SPAG16: variants seen among roughly 807,000 people sequenced by gnomAD.
SPAG16 encodes sperm-associated antigen 16 protein.
SPAG16 carries 86 observed loss-of-function variants against 80.4 expected under a neutral mutation model. That is an observed-to-expected ratio of 1.07 (90% CI 0.90 to 1.28). SPAG16 has a LOEUF of 1.28. Ranked by LOEUF, SPAG16 falls within the 50% of genes most tolerant of loss-of-function variation. The pLI, the probability that SPAG16 is intolerant of heterozygous loss-of-function variation, is 0.00. For synonymous variants in SPAG16, 294 were observed against 265.9 expected, an observed-to-expected ratio of 1.11 and a Z score of -1.03; for missense variants, 870 against 765.3, an observed-to-expected ratio of 1.14 and a Z score of -1.61.
chr2:213,983,770 G>C (rs2045879524), intron 12 of SPAG16, among the ~76,000 whole-genome samples: 1 of 151,946 alleles, frequency 6.6e-6, no homozygotes, highest in Non-Finnish European at 1.5e-5. Context: ...TCACAATAGG[G>C]GGTGTTGAAG....
rs527771667 is a variant in SPAG16, at chr2:213,526,828, T to C, written c.1070+36738T>C. 2.6e-5 allele frequency among the ~76,000 whole-genome samples: 4 copies of C among 152,336 alleles called. No homozygotes were observed. In the South Asian group the frequency reaches 8.3e-4, roughly 32 times the overall value. The stretch of plus-strand genomic sequence containing the variant: ...TCAGAATGTTGAAGTATTGCTACAA[T>C]GTCCTAAACTTGAGAATGTGTGTGG... On this transcript the variant is annotated intron_variant, in intron 10 of 15. Transcript: ENST00000331683.
intron 15 of SPAG16, among the ~76,000 whole-genome samples, chr2:214,400,298 T>C (rs1293337706): frequency 6.6e-6 from 1 of 151,952 alleles, no homozygotes; most frequent in Non-Finnish European, 1.5e-5. Flanking sequence ...GGATTTCATG[T>C]TAAAGACAGA....
chr2:214,273,694 T>C (rs943049763), intron 15 of SPAG16, among the ~76,000 whole-genome samples: 3 of 152,112 alleles, frequency 2.0e-5, no homozygotes, highest in Admixed American at 1.3e-4. Context: ...TTTTGGTTAC[T>C]GTACCCTTGT....
At chr2:213,510,163 C>G (rs753685908) in intron 10 of SPAG16, among the ~76,000 whole-genome samples, 9 of 152,084 alleles carry the variant, frequency 5.9e-5, no homozygotes, top group Non-Finnish European at 7.4e-5. Context: ...TTTTTGAAAT[C>G]TGAAATCCTA....
chr2:214,336,631 A>C (rs911808252), intron 15 of SPAG16, among the ~76,000 whole-genome samples: 5 of 152,108 alleles, frequency 3.3e-5, no homozygotes, highest in Admixed American at 2.0e-4. Context: ...AGATGATATA[A>C]ATGTAGGAAA....
intron 11 of SPAG16, among the ~76,000 whole-genome samples, chr2:213,886,615 C>T (rs2076565067): frequency 6.6e-6 from 1 of 151,912 alleles, no homozygotes; most frequent in African/African-American, 2.4e-5. Context: ...TGGTGTAATG[C>T]TTAATGCCAA....
intron 10 of SPAG16, among the ~76,000 whole-genome samples, chr2:213,817,613 A>C (rs2072635635): frequency 1.3e-5 from 2 of 152,186 alleles, no homozygotes. Context: ...TTGAATAAAG[A>C]AAATATGGTA....
chr2:213,591,701 C>T (rs1314403608), intron 10 of SPAG16, among the ~76,000 whole-genome samples: 1 of 151,982 alleles, frequency 6.6e-6, no homozygotes, highest in East Asian at 1.9e-4. Context: ...AATTTATAGC[C>T]AAGGAACAGT....
rs2055855127 is a variant in SPAG16 at position 214,149,257 on chromosome 2, G to C, written c.1711G>C (p.Asp571His). The C allele has an allele frequency of 6.4e-7, 1 of 1,570,280 alleles. No homozygotes were observed. The highest frequency in any genetic ancestry group is 1.4e-5 in the African/African-American group (1 of 73,542). ...AAGTCCTGGCAATGAGGTGAATTTT[G>C]ATTCATCAGGTAGGATCATTTTTGT... The part of the protein sequence containing the change: ...GPSPGNEVNF[D>H]SSGRVLAQAS... Residue 571 changes from aspartate to histidine, a missense_variant, in exon 15 of 16, where the codon GAT becomes CAT. Physicochemically the swap from Asp to His is moderately conservative, Grantham distance 81. Coordinates refer to ENST00000331683, the MANE Select transcript of SPAG16 (RefSeq NM_024532.5).
intron 13 of SPAG16, among the ~76,000 whole-genome samples, chr2:214,054,198 C>T (rs979225902): frequency 3.3e-5 from 5 of 152,124 alleles, no homozygotes; most frequent in African/African-American, 7.2e-5. Flanking sequence ...TTAGTATAGA[C>T]GGGGTTTTGC....
At chr2:213,341,356 A>T (rs1376105891) in intron 6 of SPAG16, among the ~76,000 whole-genome samples, 1 of 152,126 alleles carries the variant, frequency 6.6e-6, no homozygotes, top group Admixed American at 6.6e-5. Context: ...TATAGGACAG[A>T]GTGTTTTGAT....
intron 15 of SPAG16, among the ~76,000 whole-genome samples, chr2:214,290,637 A>G (rs1693731365): frequency 1.3e-5 from 2 of 152,104 alleles, no homozygotes; most frequent in Non-Finnish European, 1.5e-5. Context: ...CATTGGCCCA[A>G]TGGTTGGTTA....
intron 12 of SPAG16, among the ~76,000 whole-genome samples, chr2:213,971,920 A>G (rs560970556): frequency 3.3e-4 from 50 of 150,352 alleles, no homozygotes; most frequent in Non-Finnish European, 5.0e-4. Context: ...GTGTCAAGTG[A>G]TATCTAATTG....
At chr2:213,804,678 G>A (rs989888676) in intron 10 of SPAG16, among the ~76,000 whole-genome samples, 4 of 144,982 alleles carry the variant, frequency 2.8e-5, no homozygotes, top group South Asian at 2.3e-4. Context: ...GCGAGACTCC[G>A]TCTCAACTAA....
intron 10 of SPAG16, among the ~76,000 whole-genome samples, chr2:213,745,276 C>G (rs1350271772): frequency 6.6e-6 from 1 of 151,706 alleles, no homozygotes; most frequent in African/African-American, 2.4e-5. Context: ...AAGTTTTGTT[C>G]TTGTTGCCCA....
At chr2:213,422,562 A>C (rs1196766199) in intron 9 of SPAG16, 2 of 417,258 alleles carry the variant, frequency 4.8e-6, no homozygotes, top group Non-Finnish European at 8.7e-6. Flanking sequence ...CCCAAGCAAA[A>C]CTTGGGCAAA....
chr2:214,350,659 GTT>G (rs1698343400), intron 15 of SPAG16, among the ~76,000 whole-genome samples: 1 of 152,096 alleles, frequency 6.6e-6, no homozygotes, highest in African/African-American at 2.4e-5. Context: ...AGGTCTACAT[GTT>G]GTCCCCTTGG....
intron 15 of SPAG16, among the ~76,000 whole-genome samples, chr2:214,177,971 GTATATATATATATA>G (rs34460783): frequency 0.042 from 2,491 of 59,216 alleles, 67 homozygotes; most frequent in South Asian, 0.072. Flanking sequence ...CAAAGTGTAT[GTATATATATATATA>G]TATATATATA....
At chr2:213,637,896 A>G (rs2062431154) in intron 10 of SPAG16, among the ~76,000 whole-genome samples, 1 of 152,108 alleles carries the variant, frequency 6.6e-6, no homozygotes, top group Admixed American at 6.5e-5. Context: ...AGCTGGGACT[A>G]CAGGCACCTG....
Sources: gnomAD v4.1 joint callset for allele counts (sites outside exome capture counted in the v4.1 genomes callset) on GRCh38, gnomAD v4.1.1 for gene constraint, MANE v1.5 for transcripts, NCBI Gene and HGNC (gene_info 2026-07-23, HGNC 2026-07-21) for gene names.